Variants in NRIP1 observed in about 807,000 individuals in gnomAD.
NRIP1 encodes the protein nuclear receptor interacting protein 1.
NRIP1 carries 28 observed loss-of-function variants against 75.0 expected under a neutral mutation model. That is an observed-to-expected ratio of 0.37 (90% CI 0.28 to 0.51). The LOEUF is 0.51. NRIP1 is among the 20% of genes least tolerant of loss of function. The probability of loss-of-function intolerance (pLI) is 0.92; values close to 1 mark genes in which losing one functional copy is unlikely to be tolerated. For synonymous variants in NRIP1, 526 were observed against 487.6 expected (o/e 1.08, Z -1.04); for missense variants, 1,435 against 1,343.7 (o/e 1.07, Z -1.06).
chr21:15,045,974 T>C (rs1294548349), intron 1 of NRIP1, among the ~76,000 whole-genome samples: 4 of 147,030 alleles, frequency 2.7e-5, no homozygotes, highest in African/African-American at 1.0e-4. Flanking sequence ...TCTAGTTTTC[T>C]TGCAATTTCC....
intron 3 of NRIP1, among the ~76,000 whole-genome samples, chr21:15,004,283 G>A (rs2087914583): frequency 6.6e-6 from 1 of 152,108 alleles, no homozygotes; most frequent in Non-Finnish European, 1.5e-5. Context: ...CAGTCAAAAA[G>A]CAACTGGGTA....
At chr21:15,009,975 G>T (rs1356272885) in intron 3 of NRIP1, among the ~76,000 whole-genome samples, 1 of 152,190 alleles carries the variant, frequency 6.6e-6, no homozygotes, top group Non-Finnish European at 1.5e-5. Flanking sequence ...AAGATGGCAG[G>T]TGGGGAGGAG....
intron 2 of NRIP1, among the ~76,000 whole-genome samples, chr21:15,018,301 T>C (rs984905950): frequency 1.3e-5 from 2 of 152,118 alleles, no homozygotes; most frequent in African/African-American, 4.8e-5. Flanking sequence ...CTAGACACTA[T>C]GCTAGGTGTT....
chr21:14,982,460 C>T (rs1389149257), intron 3 of NRIP1, among the ~76,000 whole-genome samples: 1 of 151,984 alleles, frequency 6.6e-6, no homozygotes, highest in Non-Finnish European at 1.5e-5. Context: ...TGTAATAAGC[C>T]CCATTTGTTT....
At chr21:14,982,026 AT>A (rs2087250411) in intron 3 of NRIP1, among the ~76,000 whole-genome samples, 1 of 151,678 alleles carries the variant, frequency 6.6e-6, no homozygotes, top group African/African-American at 2.4e-5. Context: ...CTAACTTTTG[AT>A]TTTTGTAGGG....
At chr21:15,024,670 A>G (rs9636612) in intron 2 of NRIP1, among the ~76,000 whole-genome samples, 74,400 of 151,064 alleles carry the variant, frequency 0.49, 20,519 homozygotes, top group East Asian at 0.84. Context: ...TAATAAGAGG[A>G]GTCAGAGAGC....
intron 1 of NRIP1, among the ~76,000 whole-genome samples, chr21:15,057,391 T>C (rs1484319064): frequency 6.6e-6 from 1 of 152,206 alleles, no homozygotes; most frequent in Non-Finnish European, 1.5e-5. Flanking sequence ...AATTCTGTGA[T>C]ACACTTCAGA....
chr21:15,001,859 C>T (rs1447553964), intron 3 of NRIP1, among the ~76,000 whole-genome samples: 1 of 152,096 alleles, frequency 6.6e-6, no homozygotes, highest in Non-Finnish European at 1.5e-5. Context: ...TGGTTAAAAT[C>T]TTACAGTACT....
intron 2 of NRIP1, 57 bp downstream of exon 2, chr21:15,043,438 A>G (rs2089001908): frequency 6.6e-6 from 1 of 152,218 alleles, no homozygotes. Context: ...ACTTTTCTAC[A>G]ATTGGAAAGG....
chr21:14,981,293 G>A (rs980846473), intron 3 of NRIP1, among the ~76,000 whole-genome samples: 2 of 152,150 alleles, frequency 1.3e-5, no homozygotes, highest in Admixed American at 6.5e-5. Context: ...AAGAAACTGC[G>A]GTGCGTGCTT....
Position 14,964,592 on chromosome 21 carries a change from T to G in NRIP1, c.*124A>C. On this transcript the variant is annotated 3_prime_UTR_variant, in exon 4 of 4. Coordinates refer to ENST00000318948, the MANE Select transcript of NRIP1 (RefSeq NM_003489.4). ...TTTCAACATCACCAGTAACCAATACTTTTCAAAATGAAAAAAGTTTCAATT... is the reference window on the plus strand; with the variant it reads ...TTTCAACATCACCAGTAACCAATACGTTTCAAAATGAAAAAAGTTTCAATT... The G allele has an allele frequency of 1.2e-6, 1 of 806,386 alleles. No individual in the cohort carries two copies. Among genetic ancestry groups the G allele is most frequent in the South Asian group, 2.3e-5 (1 of 44,084 alleles). The allele number at this position is 806,386 out of a possible 1,614,324, so 50.0% of individuals were successfully genotyped here. A position where few individuals can be genotyped will look rare whatever the true frequency, so the allele number is the denominator to read the frequency against.
chr21:15,031,798 AT>A (rs2088702636), intron 2 of NRIP1, among the ~76,000 whole-genome samples: 1 of 113,218 alleles, frequency 8.8e-6, no homozygotes, highest in African/African-American at 3.5e-5. Flanking sequence ...CGCTCGGAGG[AT>A]CACCACATTC....
Position 15,009,813 on chromosome 21 carries a change from AT to A in NRIP1, c.-335+4530del, listed in dbSNP as rs540639630. On this transcript the variant is annotated intron_variant, in intron 3 of 3. Transcript: ENST00000318948. ...TTAATGATGAAAGATGTGGACTTAG[AT>A]TTTGTAGTCTTGCTAAAAACTTCTG... Among the ~76,000 whole-genome samples the A allele has an allele frequency of 2.1e-4, 32 of 152,368 alleles. 2 individuals are homozygous for A. The South Asian group carries it at 6.2e-3, about 30-fold the overall frequency.
At chr21:15,053,562 A>AAATTC (rs1229764110) in intron 1 of NRIP1, among the ~76,000 whole-genome samples, 1 of 152,238 alleles carries the variant, frequency 6.6e-6, no homozygotes, top group African/African-American at 2.4e-5. Context: ...TAATTTATAG[A>AAATTC]AATTCACACA....
chr21:15,054,260 A>G (rs938614282), intron 1 of NRIP1, among the ~76,000 whole-genome samples: 2 of 152,204 alleles, frequency 1.3e-5, no homozygotes, highest in Non-Finnish European at 2.9e-5. Context: ...CCACCTTACC[A>G]AGCCGTCAAA....
intron 2 of NRIP1, among the ~76,000 whole-genome samples, chr21:15,024,834 G>C (rs1450812861): frequency 2.0e-5 from 3 of 152,112 alleles, no homozygotes; most frequent in Non-Finnish European, 2.9e-5. Flanking sequence ...TTAATGTAAA[G>C]TTTTAAGTAT....
chr21:15,062,587 T>C (rs1048072915), intron 1 of NRIP1, among the ~76,000 whole-genome samples: 2 of 152,204 alleles, frequency 1.3e-5, no homozygotes, highest in African/African-American at 2.4e-5. Context: ...ATTCTAAAGG[T>C]GGCACGGATA....
At chr21:15,057,627 C>G (rs1444076272) in intron 1 of NRIP1, among the ~76,000 whole-genome samples, 2 of 152,148 alleles carry the variant, frequency 1.3e-5, no homozygotes, top group African/African-American at 4.8e-5. Flanking sequence ...AGGTTGGGAG[C>G]AAGGTTTTTT....
chr21:14,966,620 C>G lies in NRIP1; in HGVS notation c.1573G>C (p.Asp525His). Residue 525 changes from aspartate (D) to histidine (H), a missense_variant, in exon 4 of 4, where the codon GAT becomes CAT. By Grantham distance (81) the Asp-to-His change is moderately conservative (BLOSUM62 -1). Transcript: ENST00000318948. ...TTTTGTGTATTGAACTTGCTCACAT[C>G]ATTGTGTACTCCCTGAGGGCTGGTG... ...KNTSPQGVHN[D>H]VSKFNTQNYA... 6.2e-7 allele frequency: 1 copy of G among 1,614,106 alleles called. No individual in the cohort carries two copies. Among genetic ancestry groups the G allele is most frequent in the Non-Finnish European group, 8.5e-7 (1 of 1,179,996 alleles).
Sources: allele counts gnomAD v4.1 joint callset (sites outside exome capture counted in the v4.1 genomes callset), GRCh38; gene constraint gnomAD v4.1.1; transcripts MANE v1.5; gene names NCBI Gene and HGNC (gene_info 2026-07-23, HGNC 2026-07-21).